TMEM263: variants seen among roughly 807,000 people sequenced by gnomAD.
TMEM263 encodes transmembrane protein 263.
Under a neutral mutation model 8.6 loss-of-function variants are expected in TMEM263, and 5 were observed. That is an observed-to-expected ratio of 0.58 (90% confidence interval 0.31 to 1.23). The LOEUF is 1.23. Among genes scored for constraint, TMEM263 ranks in the 50% most tolerant of loss-of-function variants. TMEM263 has a pLI of 0.07. For missense variants in TMEM263, 104 were observed against 138.8 expected, an observed-to-expected ratio of 0.75 and a Z score of 1.26; for synonymous variants, 50 against 47.9, an observed-to-expected ratio of 1.04 and a Z score of -0.18.
chr12:106,961,817 CTGTT>C (rs1457366548), intron 2 of TMEM263, among the ~76,000 whole-genome samples: 3 of 152,140 alleles, frequency 2.0e-5, no homozygotes, highest in East Asian at 3.9e-4. Context: ...CTGCATAAGG[CTGTT>C]TGTCAGGATT....
rs1004127242 is a variant in TMEM263, at chr12:106,971,485, G to C, written c.*94G>C. On this transcript the variant is annotated 3_prime_UTR_variant, in exon 4 of 4. Coordinates refer to ENST00000280756, the MANE Select transcript of TMEM263 (RefSeq NM_152261.4). Reference sequence around the variant, plus strand: ...TACAACCAAGTCAACTGTTTTGGACGTTTATCTTCTAAACTGCTGTGTTGA... The same window carrying C: ...TACAACCAAGTCAACTGTTTTGGACCTTTATCTTCTAAACTGCTGTGTTGA... 1 of 1,286,778 alleles carries C rather than the reference G, an allele frequency of 7.8e-7. No individual in the cohort carries two copies. The highest frequency in any genetic ancestry group is 1.5e-5 in the South Asian group (1 of 64,928). The allele number at this position is 1,286,778 out of a possible 1,614,324, so 79.7% of individuals were successfully genotyped here. A position where few individuals can be genotyped will look rare whatever the true frequency, so the allele number is the denominator to read the frequency against.
intron 2 of TMEM263, among the ~76,000 whole-genome samples, chr12:106,960,442 G>T (rs1271416636): frequency 6.6e-6 from 1 of 152,038 alleles, no homozygotes; most frequent in Non-Finnish European, 1.5e-5. Flanking sequence ...GCCTGGCATG[G>T]CAGGACTCCA....
intron 2 of TMEM263, among the ~76,000 whole-genome samples, chr12:106,962,645 T>C (rs1244258421): frequency 3.9e-5 from 6 of 152,252 alleles, no homozygotes; most frequent in Non-Finnish European, 1.5e-5. Flanking sequence ...AACTTTATGC[T>C]GAATTTCTGG....
At position 106,962,541 on chromosome 12, in the gene TMEM263, G is replaced by A. The variant is rs189646145; in HGVS notation, c.-6-4570G>A. Among the ~76,000 whole-genome samples, 32 of 152,154 alleles carry A rather than the reference G, an allele frequency of 2.1e-4. 1 individual carries two copies. The highest frequency in any genetic ancestry group is 7.0e-4 in the African/African-American group (29 of 41,478). ...AGCTGGCCAATTAAGGCTGTCAGTC[G>A]GCTTCTCATCACTCTTTTCCTTGAT... On this transcript the variant is annotated intron_variant, in intron 2 of 3. Transcript: ENST00000280756.
intron 3 of TMEM263, among the ~76,000 whole-genome samples, chr12:106,970,246 C>T (rs1330867664): frequency 6.6e-6 from 1 of 151,994 alleles, no homozygotes; most frequent in African/African-American, 2.4e-5. Context: ...TTTACAATGT[C>T]AAAAATTGAG....
intron 2 of TMEM263, among the ~76,000 whole-genome samples, chr12:106,960,330 C>T (rs983862568): frequency 1.6e-4 from 25 of 151,526 alleles, no homozygotes; most frequent in Non-Finnish European, 2.2e-4. Context: ...CCACCATGTC[C>T]GGCCCTTGTT....
chr12:106,967,325 C>G, intron 3 of TMEM263, 145 bp downstream of exon 3: 1 of 521,402 alleles, frequency 1.9e-6, no homozygotes, highest in Non-Finnish European at 3.2e-6. Context: ...ATGGCACGAT[C>G]TTGGCCCACT....
chr12:106,957,189 T>C (rs1593460409), intron 2 of TMEM263, 40 bp downstream of exon 2: 2 of 948,064 alleles, frequency 2.1e-6, no homozygotes, highest in Non-Finnish European at 2.5e-6. Flanking sequence ...TGTGTGTGTG[T>C]GTGTGTGTGT....
At chr12:106,967,266 A>AT (rs754215473) in intron 3 of TMEM263, 86 bp downstream of exon 3, 867 of 923,262 alleles carry the variant, frequency 9.4e-4, no homozygotes, top group African/African-American at 1.0e-3. Context: ...ATTTTATTTT[A>AT]TTTTTTTTTG....
chr12:106,973,614 A>G lies in TMEM263; in HGVS notation c.*2223A>G, dbSNP rs866606330. 2 of 152,430 alleles carry G rather than the reference A, an allele frequency of 1.3e-5. No homozygotes were observed. Among genetic ancestry groups the G allele is most frequent in the African/African-American group, 4.8e-5 (2 of 41,460 alleles). 9.4% of individuals were successfully genotyped at this position (152,430 alleles called of 1,614,324 possible). On this transcript the variant is annotated 3_prime_UTR_variant, in exon 4 of 4. Transcript: ENST00000280756. Reference sequence around the variant, plus strand: ...AAACTGTACAAATGTACAGTTAGTTATAGAGGTTCTTGTTGAAATGAACTT... The same window carrying G: ...AAACTGTACAAATGTACAGTTAGTTGTAGAGGTTCTTGTTGAAATGAACTT...
intron 3 of TMEM263, 38 bp from the exon 4 acceptor site, chr12:106,971,067 C>G: frequency 6.2e-7 from 1 of 1,602,058 alleles, no homozygotes; most frequent in Non-Finnish European, 8.5e-7. Context: ...AGACTTGTGA[C>G]TTATATTTGA....
chr12:106,958,120 T>G (rs1951724662), intron 2 of TMEM263, among the ~76,000 whole-genome samples: 3 of 152,174 alleles, frequency 2.0e-5, no homozygotes, highest in Admixed American at 2.0e-4. Context: ...TAGTCGTCTT[T>G]TTCTATTATA....
At chr12:106,964,849 C>G (rs986303314) in intron 2 of TMEM263, among the ~76,000 whole-genome samples, 1 of 152,232 alleles carries the variant, frequency 6.6e-6, no homozygotes, top group Non-Finnish European at 1.5e-5. Context: ...ACCTCTGCCT[C>G]TACCACCCTC....
chr12:106,956,292 C>T (rs1275953919), intron 1 of TMEM263, among the ~76,000 whole-genome samples: 1 of 152,132 alleles, frequency 6.6e-6, no homozygotes, highest in African/African-American at 2.4e-5. Flanking sequence ...CTGACTGCCC[C>T]GCCGCGATTG....
intron 2 of TMEM263, chr12:106,966,818 T>A: frequency 3.7e-6 from 1 of 270,904 alleles, no homozygotes; most frequent in South Asian, 6.2e-5. Context: ...AGTGAGTAAT[T>A]TTCAGTTGTA....
intron 2 of TMEM263, among the ~76,000 whole-genome samples, chr12:106,966,404 G>A (rs1031804591): frequency 3.9e-5 from 6 of 152,206 alleles, no homozygotes; most frequent in African/African-American, 1.4e-4. Flanking sequence ...GGGCATCTAG[G>A]TTGATTCCAT....
At chr12:106,962,172 T>G (rs1176760846) in intron 2 of TMEM263, among the ~76,000 whole-genome samples, 1 of 152,210 alleles carries the variant, frequency 6.6e-6, no homozygotes, top group East Asian at 1.9e-4. Flanking sequence ...CTATGTATAC[T>G]ACTTCATGCA....
In TMEM263 at chr12:106,971,567, T is replaced by C; in HGVS notation, c.*176T>C. 3 of 548,046 alleles carry C rather than the reference T, an allele frequency of 5.5e-6. No homozygotes were observed. The highest frequency in any genetic ancestry group is 3.8e-5 in the Admixed American group (1 of 26,202). 33.9% of individuals were successfully genotyped at this position (548,046 alleles called of 1,614,324 possible). ...AAGAGACCAATACGAGCACAGTATATGAAGGTTTCTCATACTTAAGTTCCA... is the reference window on the plus strand; with the variant it reads ...AAGAGACCAATACGAGCACAGTATACGAAGGTTTCTCATACTTAAGTTCCA... On this transcript the variant is annotated 3_prime_UTR_variant, in exon 4 of 4. Transcript: ENST00000280756.
rs773251670 is a variant in TMEM263, at chr12:106,971,258, C to G, written c.218C>G (p.Thr73Arg). ...CTGGAAGTGACCAAAACAGCTGTTA[C>G]AACTGTGCCTTCCATGGGAATAGGG... ...KSLEVTKTAV[T>R]TVPSMGIGLV... is the part of the protein sequence containing the mutation. The change falls in exon 4 of 4, where the codon ACA becomes AGA. Residue 73 changes from threonine to arginine, a missense_variant. Physicochemically the swap from Thr to Arg is moderately conservative, Grantham distance 71. Coordinates refer to ENST00000280756, the MANE Select transcript of TMEM263 (RefSeq NM_152261.4). The G allele has an allele frequency of 2.5e-6, 4 of 1,614,170 alleles. No homozygotes were observed. Among genetic ancestry groups the G allele is most frequent in the Non-Finnish European group, 3.4e-6 (4 of 1,180,036 alleles).
Sources: gnomAD v4.1 joint callset for allele counts (sites outside exome capture counted in the v4.1 genomes callset) on GRCh38, gnomAD v4.1.1 for gene constraint, MANE v1.5 for transcripts, NCBI Gene and HGNC (gene_info 2026-07-23, HGNC 2026-07-21) for gene names.